Variants in NKTR observed in about 807,000 individuals in gnomAD.
The protein encoded by NKTR is NK-tumor recognition protein.
In NKTR, 67 loss-of-function variants were observed where a neutral mutation model predicts 156.3. The observed-to-expected ratio is 0.43, with a 90% CI of 0.35 to 0.53. NKTR has a LOEUF of 0.53. Ranked by LOEUF, NKTR falls within the 20% of genes least tolerant of loss-of-function variation. The pLI is 0.01. For missense variants in NKTR, 1,604 were observed against 1,730.9 expected (o/e 0.93, Z 1.30); for synonymous variants, 640 against 596.6 (o/e 1.07, Z -1.06).
intron 13 of NKTR, among the ~76,000 whole-genome samples, chr3:42,642,280 G>A (rs1709952144): frequency 6.6e-6 from 1 of 151,870 alleles, no homozygotes; most frequent in Admixed American, 6.6e-5. Flanking sequence ...GAACATACTT[G>A]TGCCAATCTT....
intron 2 of NKTR, among the ~76,000 whole-genome samples, chr3:42,605,922 TACTC>T (rs1399000215): frequency 8.5e-5 from 13 of 152,224 alleles, no homozygotes; most frequent in African/African-American, 2.9e-4. Flanking sequence ...AACATGAACT[TACTC>T]TAATAGGGTG....
At chr3:42,609,820 G>A (rs770142694) in intron 2 of NKTR, among the ~76,000 whole-genome samples, 36 of 151,776 alleles carry the variant, frequency 2.4e-4, no homozygotes, top group Non-Finnish European at 4.9e-4. Context: ...GATTTTTACT[G>A]TATTTTGTTC....
At chr3:42,620,796 GGTT>G (rs1707837935) in intron 5 of NKTR, 2 of 984,990 alleles carry the variant, frequency 2.0e-6, no homozygotes, top group Non-Finnish European at 1.2e-6. Context: ...GCCACTTTGT[GGTT>G]GTTCCTTGTG....
rs542627378 is a variant in NKTR, at chr3:42,647,691, G to T, written c.*1716G>T. 2.0e-5 allele frequency: 3 copies of T among 152,254 alleles called. No homozygotes were observed. The highest frequency in any genetic ancestry group is 2.0e-4 in the Admixed American group (3 of 15,298). 9.4% of individuals were successfully genotyped at this position (152,254 alleles called of 1,614,324 possible). On this transcript the variant is annotated 3_prime_UTR_variant, in exon 17 of 17. Transcript: ENST00000232978. ...TTTATATTAAAGGTTTCCAAAGGTT[G>T]CCTGCAAAGGAGAATATTACTACTA...
At chr3:42,625,236 T>G (rs764832755) in intron 6 of NKTR, among the ~76,000 whole-genome samples, 2 of 152,108 alleles carry the variant, frequency 1.3e-5, no homozygotes, top group Non-Finnish European at 2.9e-5. Context: ...CAGCTGCTGT[T>G]AGAACATGAG....
rs796657249 is a variant in NKTR at position 42,647,303 on chromosome 3, G to GTGTGTGTGGGGT, written c.*1329_*1330insGTGTGTGGGGTT. ...GTGTGTGTGTGTGTGTGTGTGTGTG[G>GTGTGTGTGGGGT]TTTTTTTTTTTAATCTTTACTTTGA... On this transcript the variant is annotated 3_prime_UTR_variant, in exon 17 of 17. Transcript: ENST00000232978. The GTGTGTGTGGGGT allele has an allele frequency of 2.0e-5, 2 of 101,260 alleles. No individual in the cohort carries two copies. The highest frequency in any genetic ancestry group is 7.7e-5 in the African/African-American group (2 of 25,912). 6.3% of individuals were successfully genotyped at this position (101,260 alleles called of 1,614,324 possible). A position where few individuals can be genotyped will look rare whatever the true frequency, so the allele number is the denominator to read the frequency against.
chr3:42,622,677 A>G (rs1232667794), intron 6 of NKTR, among the ~76,000 whole-genome samples: 1 of 152,038 alleles, frequency 6.6e-6, no homozygotes, highest in Non-Finnish European at 1.5e-5. Context: ...TTGATCCCAT[A>G]GGTTATTTGT....
At chr3:42,628,964 C>T (rs898145204) in intron 6 of NKTR, 13 of 406,402 alleles carry the variant, frequency 3.2e-5, no homozygotes, top group Middle Eastern at 1.2e-3. Context: ...ATCATGCCAT[C>T]GCACTCTAGC....
rs770647865 is a variant in NKTR at position 42,635,374 on chromosome 3, CTT to C, written c.1163+10_1163+11del. ...ATGGAGTAAAGGAGATAAGTAAGAACTTTGAGTATAAGCACAATCCTGTGTCT... is the reference window on the plus strand; with the variant it reads ...ATGGAGTAAAGGAGATAAGTAAGAACTGAGTATAAGCACAATCCTGTGTCT... On this transcript the variant is annotated intron_variant, in intron 12 of 16. Transcript: ENST00000232978. 1.2e-6 allele frequency: 2 copies of C among 1,600,988 alleles called. No homozygotes were observed. The highest frequency in any genetic ancestry group is 2.7e-5 in the African/African-American group (2 of 74,130).
chr3:42,613,605 C>T (rs945395919), intron 2 of NKTR, among the ~76,000 whole-genome samples: 1 of 152,092 alleles, frequency 6.6e-6, no homozygotes, highest in African/African-American at 2.4e-5. Context: ...TCTGCAATTC[C>T]AGCGCAACTA....
At chr3:42,642,685 A>G in intron 14 of NKTR, 89 bp downstream of exon 14, 1 of 898,310 alleles carries the variant, frequency 1.1e-6, no homozygotes, top group East Asian at 2.4e-5. Context: ...GTTGAGAAGA[A>G]TCATGTCATT....
chr3:42,633,982 G>A (rs759499632), intron 10 of NKTR, among the ~76,000 whole-genome samples: 2 of 152,150 alleles, frequency 1.3e-5, no homozygotes, highest in Non-Finnish European at 2.9e-5. Context: ...AGTTGGTCAG[G>A]GAAGCCCTTA....
chr3:42,641,634 CT>C (rs1311350296), intron 13 of NKTR, among the ~76,000 whole-genome samples: 2 of 152,162 alleles, frequency 1.3e-5, no homozygotes, highest in African/African-American at 4.8e-5. Flanking sequence ...AATCCCAGTA[CT>C]TTGGGAGGCC....
chr3:42,636,326 G>A (rs1292061648), intron 12 of NKTR, among the ~76,000 whole-genome samples: 3 of 152,194 alleles, frequency 2.0e-5, no homozygotes, highest in African/African-American at 7.2e-5. Context: ...CACTCAGATT[G>A]TAACCTGTAT....
At chr3:42,613,665 A>G (rs936744213) in intron 2 of NKTR, among the ~76,000 whole-genome samples, 2 of 152,154 alleles carry the variant, frequency 1.3e-5, no homozygotes, top group South Asian at 2.1e-4. Context: ...ATTTTATTCC[A>G]TCTGTGTACT....
chr3:42,627,521 A>G (rs566001013), intron 6 of NKTR: 5 of 985,230 alleles, frequency 5.1e-6, no homozygotes, highest in South Asian at 9.4e-5. Context: ...TCATTTCTGT[A>G]TAAGGGCAAA....
chr3:42,640,639 C>T (rs1385062455), intron 13 of NKTR, among the ~76,000 whole-genome samples: 2 of 152,216 alleles, frequency 1.3e-5, no homozygotes, highest in East Asian at 1.9e-4. Flanking sequence ...CATCTATACT[C>T]GGTCTCCCAT....
rs1706334499 is a variant in NKTR at position 42,607,401 on chromosome 3, T to G, written c.58+6337T>G. 2.6e-5 allele frequency among the ~76,000 whole-genome samples: 4 copies of G among 152,282 alleles called. 1 individual carries two copies. Among genetic ancestry groups the G allele is most frequent in the African/African-American group, 9.6e-5 (4 of 41,558 alleles). ...TGCTGTGTGCAAAGTATCCAACAGA[T>G]TATTTATTTAAAATGGAGGAAAATT... On this transcript the variant is annotated intron_variant, in intron 2 of 16. Transcript: ENST00000232978.
Position 42,639,660 on chromosome 3 carries a change from G to A in NKTR, c.3956G>A (p.Ser1319Asn), listed in dbSNP as rs1171817171. The change falls in exon 13 of 17, where the codon AGT becomes AAT. Residue 1319 changes from serine to asparagine, a missense_variant. Physicochemically the swap from Ser to Asn is conservative, Grantham distance 46. Coordinates refer to ENST00000232978, the MANE Select transcript of NKTR (RefSeq NM_005385.4). ...SQSRSPSRSR[S>N]KSETKSRHRT... ...TCCAGGAGTCCAAGTAGATCTCGAAGTAAATCTGAAACCAAATCAAGACAC... is the reference window on the plus strand; with the variant it reads ...TCCAGGAGTCCAAGTAGATCTCGAAATAAATCTGAAACCAAATCAAGACAC... The A allele has an allele frequency of 1.2e-6, 2 of 1,614,090 alleles. No individual in the cohort carries two copies. The highest frequency in any genetic ancestry group is 4.5e-5 in the East Asian group (2 of 44,874).
Sources: allele counts gnomAD v4.1 joint callset (sites outside exome capture counted in the v4.1 genomes callset), GRCh38; gene constraint gnomAD v4.1.1; transcripts MANE v1.5; gene names NCBI Gene and HGNC (gene_info 2026-07-23, HGNC 2026-07-21).